The following NFS1 variants were observed in gnomAD, a reference collection of about 807,000 sequenced individuals.
NFS1 encodes cysteine desulfurase.
A neutral mutation model predicts 57.3 loss-of-function variants in NFS1; 26 were observed. That is an observed-to-expected ratio of 0.45 (90% CI 0.33 to 0.63). The LOEUF (loss-of-function observed/expected upper bound fraction) is 0.63, where lower values mean the gene tolerates loss of function less well. NFS1 is among the 20% of genes least tolerant of loss of function. NFS1 has a pLI of 0.02. For synonymous variants in NFS1, 209 were observed against 216.3 expected, an observed-to-expected ratio of 0.97 and a Z score of 0.30; for missense variants, 505 against 605.8, an observed-to-expected ratio of 0.83 and a Z score of 1.75.
intron 7 of NFS1, among the ~76,000 whole-genome samples, chr20:35,676,541 G>T (rs1000417678): frequency 6.6e-6 from 1 of 151,362 alleles, no homozygotes; most frequent in African/African-American, 2.4e-5. Flanking sequence ...AGCCAAGATT[G>T]TGCCACTGCA....
chr20:35,685,175 A>G (rs1185201403), intron 5 of NFS1, among the ~76,000 whole-genome samples: 2 of 151,486 alleles, frequency 1.3e-5, no homozygotes, highest in East Asian at 3.9e-4. Flanking sequence ...CATGAGCCAC[A>G]GCACCTGGCC....
At chr20:35,673,050 G>A (rs117590763) in intron 11 of NFS1, among the ~76,000 whole-genome samples, 2 of 152,292 alleles carry the variant, frequency 1.3e-5, no homozygotes, top group East Asian at 1.9e-4. Flanking sequence ...CAGTTTGGGA[G>A]GCCAAGGTGG....
intron 2 of NFS1, among the ~76,000 whole-genome samples, chr20:35,698,245 T>C (rs1264560629): frequency 2.0e-5 from 3 of 152,270 alleles, no homozygotes; most frequent in Admixed American, 2.0e-4. Flanking sequence ...CCAGAGCCCA[T>C]GCTTTTAACT....
chr20:35,698,047 T>C (rs893547977), intron 2 of NFS1, among the ~76,000 whole-genome samples: 4 of 152,212 alleles, frequency 2.6e-5, no homozygotes, highest in African/African-American at 9.7e-5. Flanking sequence ...AAACACTGCC[T>C]TGTTCCGACA....
At chr20:35,686,686 G>A (rs2034950162) in intron 5 of NFS1, among the ~76,000 whole-genome samples, 1 of 152,148 alleles carries the variant, frequency 6.6e-6, no homozygotes, top group Admixed American at 6.5e-5. Flanking sequence ...AGTCTGATGA[G>A]GATGTGCAGG....
intron 12 of NFS1, among the ~76,000 whole-genome samples, 173 bp downstream of exon 12, chr20:35,672,582 T>C (rs1199966574): frequency 6.6e-6 from 1 of 152,168 alleles, no homozygotes; most frequent in Non-Finnish European, 1.5e-5. Flanking sequence ...CACTTTCTCA[T>C]TGTGAAGACA....
chr20:35,672,272 G>A (rs1340764851), intron 12 of NFS1, among the ~76,000 whole-genome samples: 2 of 150,188 alleles, frequency 1.3e-5, no homozygotes, highest in Non-Finnish European at 3.0e-5. Context: ...TTTTTGGGAC[G>A]GAGTTTGGCT....
chr20:35,691,396 G>A (rs970038074), intron 4 of NFS1, among the ~76,000 whole-genome samples: 1 of 150,714 alleles, frequency 6.6e-6, no homozygotes, highest in African/African-American at 2.4e-5. Context: ...AAAAATTCCT[G>A]GAATTTCAAC....
chr20:35,685,189 G>A (rs1473787751), intron 5 of NFS1, among the ~76,000 whole-genome samples: 1 of 151,734 alleles, frequency 6.6e-6, no homozygotes, highest in East Asian at 1.9e-4. Context: ...CCTGGCCAAG[G>A]GAGACCCTGT....
intron 7 of NFS1, among the ~76,000 whole-genome samples, chr20:35,677,260 G>A (rs760490832): frequency 2.6e-5 from 4 of 151,996 alleles, no homozygotes; most frequent in East Asian, 1.9e-4. Context: ...GGTGGAGCAC[G>A]GTGGCTCATG....
At chr20:35,692,848 A>G (rs898557277) in intron 4 of NFS1, among the ~76,000 whole-genome samples, 2 of 152,042 alleles carry the variant, frequency 1.3e-5, no homozygotes, top group African/African-American at 4.8e-5. Flanking sequence ...CTAAAAATAC[A>G]AAAATTAGCT....
At chr20:35,691,312 C>T (rs574823897) in intron 4 of NFS1, among the ~76,000 whole-genome samples, 1 of 151,878 alleles carries the variant, frequency 6.6e-6, no homozygotes, top group African/African-American at 2.4e-5. Context: ...TTTCTAGGTG[C>T]CAGTGATATA....
At chr20:35,688,045 A>G (rs1358103442) in intron 5 of NFS1, among the ~76,000 whole-genome samples, 2 of 152,202 alleles carry the variant, frequency 1.3e-5, no homozygotes, top group Non-Finnish European at 2.9e-5. Flanking sequence ...GGAGTTAGAG[A>G]CTAGCCTGGC....
In NFS1 at chr20:35,675,185, T is replaced by C. The variant is rs761988875; in HGVS notation, c.808A>G (p.Ile270Val). 3 of 1,612,914 alleles carry C rather than the reference T, an allele frequency of 1.9e-6. No individual in the cohort carries two copies. The highest frequency in any genetic ancestry group is 2.2e-5 in the South Asian group (2 of 90,996). ...ACACGCACACGGGGCCGGCGACGGA[T>C]GTAGATGGCACCAACCCCTGGGAAA... Reference protein sequence around the residue: ...YGPKGVGAIYIRRRPRVRVEA... With the variant: ...YGPKGVGAIYVRRRPRVRVEA... Residue 270 changes from isoleucine to valine, a missense_variant, in exon 8 of 13, where the codon ATC becomes GTC. By Grantham distance (29) the Ile-to-Val change is conservative. Coordinates refer to ENST00000374092, the MANE Select transcript of NFS1 (RefSeq NM_021100.5).
At position 35,674,648 on chromosome 20, in the gene NFS1, T is replaced by C. The variant is rs1024055207; in HGVS notation, c.949-31A>G. 3.9e-6 allele frequency: 6 copies of C among 1,520,084 alleles called. No individual in the cohort carries two copies. The African/African-American group carries it at 8.2e-5, about 21-fold the overall frequency. 94.2% of individuals were successfully genotyped at this position (1,520,084 alleles called of 1,614,324 possible). A position where few individuals can be genotyped will look rare whatever the true frequency, so the allele number is the denominator to read the frequency against. Reference sequence around the variant, plus strand: ...GAGCAGGCAAGGAAGGATTAGGCAGTAACCATTAACCAGCTCAGAAAGACA... The same window carrying C: ...GAGCAGGCAAGGAAGGATTAGGCAGCAACCATTAACCAGCTCAGAAAGACA... On this transcript the variant is annotated intron_variant, in intron 8 of 12. Coordinates refer to ENST00000374092, the MANE Select transcript of NFS1 (RefSeq NM_021100.5).
At chr20:35,681,355 TTTGTGGTTGGTTTTGGCAGCAAC>T (rs2034845800) in intron 6 of NFS1, among the ~76,000 whole-genome samples, 1 of 152,118 alleles carries the variant, frequency 6.6e-6, no homozygotes, top group African/African-American at 2.4e-5. Context: ...GCTTTTTTGT[TTTGTGGTTGGTTTTGGCAGCAAC>T]TGCAATAAAA....
intron 7 of NFS1, 88 bp from the exon 8 acceptor site, chr20:35,675,290 T>G: frequency 7.4e-7 from 1 of 1,342,362 alleles, no homozygotes; most frequent in Non-Finnish European, 1.0e-6. Flanking sequence ...AAAATATTAC[T>G]TCAACTTTTC....
At chr20:35,674,743 A>G in intron 8 of NFS1, 126 bp from the exon 9 acceptor site, 1 of 771,660 alleles carries the variant, frequency 1.3e-6, no homozygotes, top group African/African-American at 1.7e-5. Flanking sequence ...CTATGTACTC[A>G]TGGGGACCAC....
intron 10 of NFS1, chr20:35,674,083 A>C: frequency 2.1e-6 from 1 of 486,524 alleles, no homozygotes; most frequent in Non-Finnish European, 3.7e-6. Flanking sequence ...CTGTAACAGA[A>C]CTGCTAGTGT....
Sources: gnomAD v4.1 joint callset for allele counts (sites outside exome capture counted in the v4.1 genomes callset) on GRCh38, gnomAD v4.1.1 for gene constraint, MANE v1.5 for transcripts, NCBI Gene and HGNC (gene_info 2026-07-23, HGNC 2026-07-21) for gene names.